The following DGKZ variants were observed in gnomAD, a reference collection of about 807,000 sequenced individuals.
The protein encoded by DGKZ is diacylglycerol kinase zeta, also known as DAG kinase zeta.
Under a neutral mutation model 142.5 loss-of-function variants are expected in DGKZ, and 45 were observed. The ratio of observed to expected loss-of-function variants is 0.32; its 90% CI spans 0.25 to 0.40. The LOEUF is 0.40. DGKZ is among the 10% of genes least tolerant of loss of function. DGKZ has a pLI of 1.00. For synonymous variants in DGKZ, 442 were observed against 527.0 expected, an observed-to-expected ratio of 0.84 and a Z score of 2.21; for missense variants, 755 against 1,306.5, an observed-to-expected ratio of 0.58 and a Z score of 6.51.
rs763285494 is a variant in DGKZ at position 46,376,513 on chromosome 11, C to G, written c.2162-11C>G. 6.2e-6 allele frequency: 10 copies of G among 1,613,588 alleles called. No homozygotes were observed. In the Admixed American group the frequency reaches 8.3e-5, roughly 13 times the overall value. On this transcript the variant is annotated splice_polypyrimidine_tract_variant and intron_variant, in intron 23 of 30. Coordinates refer to ENST00000527911, the Ensembl canonical transcript of DGKZ. ...GCACTCCCTGATCCTCAGCTGCCCT[C>G]TCTCCCACAGCCACCACTGCCAGCC...
Position 46,361,445 on chromosome 11 carries a change from G to A in DGKZ, c.162-5846G>A, listed in dbSNP as rs145677159. 21 of 176,966 alleles carry A rather than the reference G, an allele frequency of 1.2e-4. No individual in the cohort carries two copies. The South Asian group carries it at 1.5e-3, about 13-fold the overall frequency. 11.0% of individuals were successfully genotyped at this position (176,966 alleles called of 1,614,324 possible). A position where few individuals can be genotyped will look rare whatever the true frequency, so the allele number is the denominator to read the frequency against. On this transcript the variant is annotated intron_variant, in intron 1 of 30. Coordinates refer to ENST00000527911, the Ensembl canonical transcript of DGKZ. ...AGGCACGCTCGTGCGCTGTGTGCCC[G>A]TCCGCCCACCCGTCGCCTGCTGCAG...
At chr11:46,366,332 G>C (rs758235923) in intron 1 of DGKZ, 1 of 1,563,226 alleles carries the variant, frequency 6.4e-7, no homozygotes, top group Admixed American at 1.8e-5. Flanking sequence ...GCCCAGCAGC[G>C]TGGGGCTGCC....
In DGKZ at chr11:46,340,686, C is replaced by T. The variant is rs1043345364; in HGVS notation, c.212+7199C>T. Reference sequence around the variant, plus strand: ...GTCCATCTGTCACTAGCCAGCAGCACCTGCAACCCAGCTCAGACACATCTG... The same window carrying T: ...GTCCATCTGTCACTAGCCAGCAGCATCTGCAACCCAGCTCAGACACATCTG... On this transcript the variant is annotated intron_variant, in intron 1 of 30. Coordinates refer to the DGKZ transcript ENST00000343674. Among the ~76,000 whole-genome samples, 3 of 152,242 alleles carry T rather than the reference C, an allele frequency of 2.0e-5. No homozygotes were observed. In the East Asian group the frequency reaches 5.8e-4, roughly 29 times the overall value.
chr11:46,338,364 T>C (rs1016455410), intron 1 of DGKZ, among the ~76,000 whole-genome samples: 1 of 151,288 alleles, frequency 6.6e-6, no homozygotes, highest in Admixed American at 6.6e-5. Flanking sequence ...GGCGTGATGG[T>C]GGGTGCCTGT....
chr11:46,378,413 C>T lies in DGKZ; in HGVS notation c.2375-44C>T, dbSNP rs758563087. The T allele has an allele frequency of 7.0e-6, 11 of 1,565,274 alleles. No homozygotes were observed. The Admixed American group carries it at 1.9e-4, about 28-fold the overall frequency. On this transcript the variant is annotated intron_variant, in intron 26 of 30. Transcript: ENST00000527911. ...CTGTCCACTGAGGCACCAACCCAAG[C>T]CCAGGCCTCCGACTGCAGAGTAACA... is the stretch of plus-strand genomic sequence containing the variant.
intron 4 of DGKZ, chr11:46,368,408 C>G (rs1943566850): frequency 1.3e-5 from 5 of 382,954 alleles, no homozygotes; most frequent in South Asian, 1.0e-4. Flanking sequence ...TTTGCTGAAG[C>G]TTCATAACTC....
At chr11:46,378,457 G>T in exon 27 of DGKZ, 1 of 1,602,416 alleles carries the variant, frequency 6.2e-7, no homozygotes, top group Non-Finnish European at 8.5e-7. Flanking sequence ...TTCCGTGCAG[G>T]TGAAGAGCTG....
chr11:46,338,378 C>G (rs1369002066), intron 1 of DGKZ, among the ~76,000 whole-genome samples: 1 of 151,348 alleles, frequency 6.6e-6, no homozygotes, highest in Non-Finnish European at 1.5e-5. Flanking sequence ...TGCCTGTTAC[C>G]CAAGATACTC....
intron 1 of DGKZ, among the ~76,000 whole-genome samples, chr11:46,359,912 C>CATA (rs1403570426): frequency 1.3e-5 from 2 of 152,084 alleles, no homozygotes; most frequent in African/African-American, 4.8e-5. Context: ...ACCACTGTGC[C>CATA]CGGCCTGATA....
intron 1 of DGKZ, among the ~76,000 whole-genome samples, chr11:46,358,482 A>G (rs897555993): frequency 2.0e-5 from 3 of 152,146 alleles, no homozygotes; most frequent in Non-Finnish European, 1.5e-5. Context: ...GGTATTTGGC[A>G]GACATTTTCT....
intron 1 of DGKZ, among the ~76,000 whole-genome samples, chr11:46,355,201 C>T (rs1012093481): frequency 4.6e-5 from 7 of 152,226 alleles, no homozygotes; most frequent in South Asian, 2.1e-4. Context: ...CTCTGCCTCC[C>T]GGGTTCAGGC....
upstream of DGKZ, chr11:46,345,734 A>G: frequency 1.2e-6 from 1 of 801,290 alleles, no homozygotes; most frequent in Non-Finnish European, 1.8e-6. The surrounding 1 kb of genome is among the most constrained non-coding windows in gnomAD (Gnocchi z 4.1). Context: ...AGTTATTGGC[A>G]GGGTGCAGGG....
intron 1 of DGKZ, among the ~76,000 whole-genome samples, chr11:46,342,387 T>C (rs1407853315): frequency 6.6e-6 from 1 of 152,224 alleles, no homozygotes; most frequent in African/African-American, 2.4e-5. Flanking sequence ...GCCTGCCTGC[T>C]TCCCCTCCAG....
chr11:46,355,693 T>C (rs1173817544), intron 1 of DGKZ, among the ~76,000 whole-genome samples: 2 of 150,754 alleles, frequency 1.3e-5, no homozygotes, highest in African/African-American at 4.9e-5. Context: ...CCCTGGGGGC[T>C]GATGGGGGAG....
intron 24 of DGKZ, 95 bp from the exon 25 acceptor site, chr11:46,376,978 C>A: frequency 8.7e-7 from 1 of 1,152,252 alleles, no homozygotes; most frequent in Admixed American, 1.9e-5. Flanking sequence ...AGTGTTTGTG[C>A]TCATGGCAGA....
chr11:46,370,662 G>C (rs1052733826), intron 6 of DGKZ, among the ~76,000 whole-genome samples: 1 of 152,248 alleles, frequency 6.6e-6, no homozygotes, highest in Non-Finnish European at 1.5e-5. Flanking sequence ...TGAGGCAGGA[G>C]TTAGCCTGCA....
Position 46,362,821 on chromosome 11 carries a change from C to T in DGKZ, c.162-4470C>T, listed in dbSNP as rs983477591. 3.3e-5 allele frequency among the ~76,000 whole-genome samples: 5 copies of T among 152,300 alleles called. No homozygotes were observed. The South Asian group carries it at 8.3e-4, about 25-fold the overall frequency. The stretch of plus-strand genomic sequence containing the variant: ...TGCCCCGATAGCAGCCACTGCAGCT[C>T]GGCCACCTGCAGCCACAGCCACTGT... On this transcript the variant is annotated intron_variant, in intron 1 of 30. Transcript: ENST00000527911.
chr11:46,370,074 C>T (rs958019179), intron 6 of DGKZ, 65 bp downstream of exon 6: 36 of 1,598,340 alleles, frequency 2.3e-5, no homozygotes, highest in Non-Finnish European at 2.7e-5. Context: ...GCCATGTGGC[C>T]GGTGTGGCCT....
chr11:46,362,191 C>T (rs1942735971), intron 1 of DGKZ, among the ~76,000 whole-genome samples: 1 of 152,190 alleles, frequency 6.6e-6, no homozygotes, highest in African/African-American at 2.4e-5. Flanking sequence ...GTGGGGTCGC[C>T]ATGCACCATG....
Sources: allele counts gnomAD v4.1 joint callset (sites outside exome capture counted in the v4.1 genomes callset), GRCh38; gene constraint gnomAD v4.1.1; non-coding constraint Gnocchi (gnomAD v3.1); transcripts MANE v1.5; gene names NCBI Gene and HGNC (gene_info 2026-07-23, HGNC 2026-07-21).